The following BEST3 variants were observed in gnomAD, a reference collection of about 807,000 sequenced individuals.
BEST3 encodes bestrophin-3.
In BEST3, 50 loss-of-function variants were observed where a neutral mutation model predicts 47.1. The observed-to-expected ratio is 1.06, with a 90% CI of 0.85 to 1.34. The LOEUF is 1.34. BEST3 is among the 40% of genes most tolerant of loss of function. The probability of loss-of-function intolerance (pLI) is 0.00; values close to 1 mark genes in which losing one functional copy is unlikely to be tolerated. For synonymous variants in BEST3, 282 were observed against 298.8 expected (o/e 0.94, Z 0.58); for missense variants, 765 against 817.0 (o/e 0.94, Z 0.78).
At chr12:69,664,545 T>C (rs929349647) in intron 9 of BEST3, among the ~76,000 whole-genome samples, 2 of 152,186 alleles carry the variant, frequency 1.3e-5, no homozygotes, top group African/African-American at 2.4e-5. Flanking sequence ...CCTGTCTTTT[T>C]TCCTTCCTTT....
At chr12:69,650,129 G>T (rs1255388178), downstream of BEST3, among the ~76,000 whole-genome samples, 1 of 152,210 alleles carries the variant, frequency 6.6e-6, no homozygotes, top group African/African-American at 2.4e-5. Context: ...AGGGAAATTG[G>T]TGCATTTTCC....
Position 69,653,694 on chromosome 12 carries a change from A to G in BEST3, c.*1213T>C. ...ATGGTAAGTGCAGCAGTCGTAAGGCATGGCCTAGGCACTTGGGAGCCCACG... is the reference window on the plus strand; with the variant it reads ...ATGGTAAGTGCAGCAGTCGTAAGGCGTGGCCTAGGCACTTGGGAGCCCACG... On this transcript the variant is annotated 3_prime_UTR_variant, in exon 10 of 10. Transcript: ENST00000330891. 2.0e-6 allele frequency: 2 copies of G among 985,450 alleles called. No individual in the cohort carries two copies. The highest frequency in any genetic ancestry group is 9.4e-5 in the South Asian group (2 of 21,288). 61.0% of individuals were successfully genotyped at this position (985,450 alleles called of 1,614,324 possible).
intron 4 of BEST3, among the ~76,000 whole-genome samples, chr12:69,684,902 T>C (rs1461125737): frequency 6.6e-6 from 1 of 152,208 alleles, no homozygotes; most frequent in African/African-American, 2.4e-5. Flanking sequence ...GTTTGTTTGT[T>C]TTTTTACCAT....
At chr12:69,673,645 T>C (rs1755075016) in intron 7 of BEST3, among the ~76,000 whole-genome samples, 1 of 152,066 alleles carries the variant, frequency 6.6e-6, no homozygotes, top group African/African-American at 2.4e-5. Context: ...GGTTTCACCA[T>C]GTTGGCCAGG....
At chr12:69,690,812 T>C (rs886838440) in intron 4 of BEST3, among the ~76,000 whole-genome samples, 1 of 152,216 alleles carries the variant, frequency 6.6e-6, no homozygotes, top group Admixed American at 6.5e-5. Flanking sequence ...AATTGAGCTG[T>C]CTAGTAGCAT....
chr12:69,663,019 C>T (rs868084587), intron 9 of BEST3, among the ~76,000 whole-genome samples: 1 of 151,912 alleles, frequency 6.6e-6, no homozygotes, highest in African/African-American at 2.4e-5. Context: ...AGGGTTTTTC[C>T]AAGGCCCTTA....
intron 9 of BEST3, among the ~76,000 whole-genome samples, chr12:69,648,503 A>G (rs1883108849): frequency 1.3e-5 from 2 of 152,166 alleles, no homozygotes; most frequent in South Asian, 4.1e-4. Flanking sequence ...GGGGAACGGG[A>G]TTGTGGATGA....
intron 4 of BEST3, among the ~76,000 whole-genome samples, chr12:69,693,094 T>C (rs1334021486): frequency 2.6e-5 from 4 of 152,196 alleles, no homozygotes; most frequent in African/African-American, 9.7e-5. Flanking sequence ...AACGTTACTA[T>C]CTGCCACTTT....
chr12:69,654,796 A>T lies in BEST3; in HGVS notation c.*111T>A. 4.8e-6 allele frequency: 7 copies of T among 1,471,448 alleles called. No individual in the cohort carries two copies. Among genetic ancestry groups the T allele is most frequent in the Non-Finnish European group, 4.5e-6 (5 of 1,110,980 alleles). The allele number at this position is 1,471,448 out of a possible 1,614,324, so 91.1% of individuals were successfully genotyped here. On this transcript the variant is annotated 3_prime_UTR_variant, in exon 10 of 10. Transcript: ENST00000330891. ...AGTTCTAAGTAGCTTATACAGTGTGATCATGTTTTTTAAAAAGTCGACCAG... is the reference window on the plus strand; with the variant it reads ...AGTTCTAAGTAGCTTATACAGTGTGTTCATGTTTTTTAAAAAGTCGACCAG...
At chr12:69,661,660 G>C (rs756038179) in intron 9 of BEST3, among the ~76,000 whole-genome samples, 4 of 152,212 alleles carry the variant, frequency 2.6e-5, no homozygotes, top group Non-Finnish European at 4.4e-5. Flanking sequence ...CTCCCTCTGA[G>C]CTGGGAGGTG....
chr12:69,650,358 C>G (rs1883170373), downstream of BEST3, among the ~76,000 whole-genome samples: 2 of 151,908 alleles, frequency 1.3e-5, no homozygotes, highest in African/African-American at 4.8e-5. Context: ...AAAGCCTGTC[C>G]CAAAAATTAA....
chr12:69,657,547 A>G (rs1883583454), intron 9 of BEST3, among the ~76,000 whole-genome samples: 1 of 152,186 alleles, frequency 6.6e-6, no homozygotes, highest in Non-Finnish European at 1.5e-5. Flanking sequence ...TGGGGTTTGA[A>G]GAACAACTTA....
At chr12:69,644,508 A>G (rs1049016947) in intron 9 of BEST3, among the ~76,000 whole-genome samples, 34 of 152,214 alleles carry the variant, frequency 2.2e-4, no homozygotes, top group Non-Finnish European at 3.7e-4. Context: ...TTTTTGGCAC[A>G]GGGTATGATG....
In BEST3 at chr12:69,697,630, C is replaced by T. The variant is rs374340439; in HGVS notation, c.152+17G>A. On this transcript the variant is annotated intron_variant, in intron 2 of 9. Transcript: ENST00000330891. ...AATATCTGATGGCCATTTAAGGAGA[C>T]ATGTAAAGAAAAGTACCTGTATACC... 65 of 1,531,202 alleles carry T rather than the reference C, an allele frequency of 4.2e-5. No homozygotes were observed. The highest frequency in any genetic ancestry group is 5.5e-5 in the Non-Finnish European group (63 of 1,136,902). 94.9% of individuals were successfully genotyped at this position (1,531,202 alleles called of 1,614,324 possible).
intron 5 of BEST3, among the ~76,000 whole-genome samples, chr12:69,677,482 A>G (rs1884995287): frequency 6.6e-6 from 1 of 152,254 alleles, no homozygotes. Flanking sequence ...ATTTTAAAAA[A>G]TATTAAAATA....
At position 69,654,649 on chromosome 12, in the gene BEST3, A is replaced by G. The variant is rs542102108; in HGVS notation, c.*258T>C. 1 of 1,211,340 alleles carries G rather than the reference A, an allele frequency of 8.3e-7. No individual in the cohort carries two copies. The highest frequency in any genetic ancestry group is 1.5e-5 in the African/African-American group (1 of 65,234). The allele number at this position is 1,211,340 out of a possible 1,614,324, so 75.0% of individuals were successfully genotyped here. On this transcript the variant is annotated 3_prime_UTR_variant, in exon 10 of 10. Transcript: ENST00000330891. ...TTTCAGATTCCTTTTTTTGGTTAAG[A>G]CTTATTTGGCTAAATCACTGTGGTC...
At chr12:69,681,309 G>A (rs1885240909) in intron 4 of BEST3, among the ~76,000 whole-genome samples, 1 of 152,070 alleles carries the variant, frequency 6.6e-6, no homozygotes, top group South Asian at 2.1e-4. Flanking sequence ...TAACAAATCT[G>A]GTTGTCCTAT....
At position 69,693,794 on chromosome 12, in the gene BEST3, C is replaced by T. The variant is rs1203159181; in HGVS notation, c.361G>A (p.Gly121Arg). 23 of 1,614,170 alleles carry T rather than the reference C, an allele frequency of 1.4e-5. No homozygotes were observed. The highest frequency in any genetic ancestry group is 1.8e-5 in the Non-Finnish European group (21 of 1,180,036). ...ATCAGCGTCCTTCTAAGCAGGCGCC[C>T]GTGCTCGTCGCTTCCGTGAACACTG... The part of the protein sequence containing the change: ...SSSVHGSDEH[G>R]RLLRRTLMRY... The change falls in exon 4 of 10, where the codon GGG becomes AGG. Residue 121 changes from glycine (G) to arginine (R), a missense_variant. Physicochemically the swap from Gly to Arg is moderately radical, Grantham distance 125. Transcript: ENST00000330891.
Position 69,697,796 on chromosome 12 carries a change from CATCTT to C in BEST3, c.-3_2del, listed in dbSNP as rs1392030361. ...CTACTTTACTGGAGTAAGTGACAGT[CATCTT>C]GGATAGTTTTTTCTAGAAGAGCAAG... On this transcript the variant is annotated start_lost and 5_prime_UTR_variant, in exon 2 of 10. Coordinates refer to ENST00000330891, the MANE Select transcript of BEST3 (RefSeq NM_032735.3). 2 of 1,598,384 alleles carry C rather than the reference CATCTT, an allele frequency of 1.3e-6. No individual in the cohort carries two copies. The highest frequency in any genetic ancestry group is 1.7e-6 in the Non-Finnish European group (2 of 1,175,746).
Sources: gnomAD v4.1 joint callset for allele counts (sites outside exome capture counted in the v4.1 genomes callset) on GRCh38, gnomAD v4.1.1 for gene constraint, MANE v1.5 for transcripts, NCBI Gene and HGNC (gene_info 2026-07-23, HGNC 2026-07-21) for gene names.